ABAT: variants seen among roughly 807,000 people sequenced by gnomAD.
ABAT encodes the protein 4-aminobutyrate aminotransferase.
In ABAT, 45 loss-of-function variants were observed where a neutral mutation model predicts 64.6. That is an observed-to-expected ratio of 0.70 (90% CI 0.55 to 0.89). ABAT has a LOEUF of 0.89. Ranked by LOEUF, ABAT falls within the 40% of genes least tolerant of loss-of-function variation. The pLI, the probability that ABAT is intolerant of heterozygous loss-of-function variation, is 0.00. For synonymous variants in ABAT, 297 were observed against 250.5 expected, an observed-to-expected ratio of 1.19 and a Z score of -1.75; for missense variants, 633 against 658.4, an observed-to-expected ratio of 0.96 and a Z score of 0.42.
intron 1 of ABAT, among the ~76,000 whole-genome samples, chr16:8,711,887 AACAG>A (rs1343541467): frequency 6.6e-6 from 1 of 152,088 alleles, no homozygotes; most frequent in Non-Finnish European, 1.5e-5. Flanking sequence ...TGGATGAATG[AACAG>A]ACAGACAAAA....
At chr16:8,765,020 G>A (rs1260598281) in intron 8 of ABAT, among the ~76,000 whole-genome samples, 190 bp downstream of exon 8, 1 of 152,104 alleles carries the variant, frequency 6.6e-6, no homozygotes, top group Non-Finnish European at 1.5e-5. Flanking sequence ...GCAGAGGGCT[G>A]AGGCTTTGGC....
chr16:8,681,678 G>A, intron 1 of ABAT, among the ~76,000 whole-genome samples: 1 of 141,394 alleles, frequency 7.1e-6, no homozygotes, highest in Admixed American at 7.6e-5. Flanking sequence ...GTCTTGCTCT[G>A]TTGCCCAGGC....
chr16:8,676,405 A>G (rs2057203531), intron 1 of ABAT, among the ~76,000 whole-genome samples: 1 of 151,930 alleles, frequency 6.6e-6, no homozygotes, highest in African/African-American at 2.4e-5. Context: ...CAGTCCTCAC[A>G]TTTACAATGG....
At position 8,781,688 on chromosome 16, in the gene ABAT, G is replaced by C. The variant is rs737695; in HGVS notation, c.*258G>C. ...CCTGCTTGAGCCCTGGACTCATCTTGGGAAGGGCCATGGGAGGTCCTGGCT... is the reference window on the plus strand; with the variant it reads ...CCTGCTTGAGCCCTGGACTCATCTTCGGAAGGGCCATGGGAGGTCCTGGCT... On this transcript the variant is annotated 3_prime_UTR_variant, in exon 16 of 16. Coordinates refer to ENST00000268251, the MANE Select transcript of ABAT (RefSeq NM_020686.6). This position sits in a 1 kb window ranked among gnomAD's most constrained non-coding sequence, Gnocchi z 4.5. The C allele has an allele frequency of 0.32, 179,336 of 554,844 alleles. 30,308 individuals carry two copies. The highest frequency in any genetic ancestry group is 0.38 in the Admixed American group (13,290 of 35,062). 34.4% of individuals were successfully genotyped at this position (554,844 alleles called of 1,614,324 possible).
At chr16:8,745,894 T>C in intron 2 of ABAT, 107 bp from the exon 3 acceptor site, 3 of 1,080,280 alleles carry the variant, frequency 2.8e-6, no homozygotes, top group Admixed American at 1.9e-5. Context: ...GGGATGAGGC[T>C]AAGGTCCTGG....
chr16:8,774,734 T>C (rs2060216123), intron 12 of ABAT, among the ~76,000 whole-genome samples, 156 bp from the exon 13 acceptor site: 1 of 152,208 alleles, frequency 6.6e-6, no homozygotes, highest in African/African-American at 2.4e-5. Context: ...TTAGTTTTTT[T>C]TGTGCACAGC....
intron 2 of ABAT, chr16:8,737,150 C>G (rs1188786463): frequency 6.6e-6 from 1 of 152,100 alleles, no homozygotes; most frequent in African/African-American, 2.4e-5. Flanking sequence ...GAGCGTTCGC[C>G]CCTCCCCAAG....
Position 8,764,879 on chromosome 16 carries a change from C to T in ABAT, c.540+49C>T. ...CACACACACACAGGCTCCCCAGCAC[C>T]CAGCCACACGCTCACCCCTTGTCTG... On this transcript the variant is annotated intron_variant, in intron 8 of 15. Coordinates refer to ENST00000268251, the MANE Select transcript of ABAT (RefSeq NM_020686.6). The surrounding 1 kb of genome is among the most constrained non-coding windows in gnomAD (Gnocchi z 4.2). 1.3e-6 allele frequency: 2 copies of T among 1,487,196 alleles called. No individual in the cohort carries two copies. The highest frequency in any genetic ancestry group is 2.3e-5 in the South Asian group (2 of 88,312). The allele number at this position is 1,487,196 out of a possible 1,614,324, so 92.1% of individuals were successfully genotyped here. A position where few individuals can be genotyped will look rare whatever the true frequency, so the allele number is the denominator to read the frequency against.
intron 4 of ABAT, among the ~76,000 whole-genome samples, chr16:8,749,796 C>T (rs780871577): frequency 7.9e-5 from 12 of 151,964 alleles, no homozygotes; most frequent in South Asian, 2.1e-4. Context: ...TTCACTGCAA[C>T]CTCCGCCTCC....
intron 3 of ABAT, 125 bp from the exon 4 acceptor site, chr16:8,747,983 C>T (rs766167828): frequency 8.0e-4 from 677 of 843,170 alleles, no homozygotes; most frequent in Admixed American, 1.2e-3. Flanking sequence ...ATATGGTTGA[C>T]TAATAAAATA....
intron 6 of ABAT, among the ~76,000 whole-genome samples, chr16:8,758,293 C>A (rs1273657999): frequency 1.3e-5 from 2 of 152,142 alleles, no homozygotes; most frequent in African/African-American, 4.8e-5. Flanking sequence ...CCCACAGGAG[C>A]TGAGCTATTT....
At chr16:8,708,002 C>G (rs915569919) in intron 1 of ABAT, among the ~76,000 whole-genome samples, 2 of 152,192 alleles carry the variant, frequency 1.3e-5, no homozygotes, top group African/African-American at 4.8e-5. Flanking sequence ...AATCAGTGGT[C>G]AGTCTTGGCC....
intron 5 of ABAT, among the ~76,000 whole-genome samples, chr16:8,756,096 C>G (rs886177077): frequency 6.6e-6 from 1 of 151,926 alleles, no homozygotes; most frequent in Non-Finnish European, 1.5e-5. Flanking sequence ...ACCTATAAAC[C>G]CAGCTACTCC....
intron 1 of ABAT, among the ~76,000 whole-genome samples, chr16:8,696,376 A>T (rs1413327162): frequency 6.6e-6 from 1 of 152,160 alleles, no homozygotes; most frequent in Non-Finnish European, 1.5e-5. Flanking sequence ...TAATCCCAAC[A>T]CTTTGGGAGG....
intron 2 of ABAT, among the ~76,000 whole-genome samples, chr16:8,741,058 T>C (rs930359529): frequency 1.3e-5 from 2 of 152,226 alleles, no homozygotes; most frequent in African/African-American, 4.8e-5. Flanking sequence ...ACTGTGTAGT[T>C]TGGAGCTAAA....
At chr16:8,713,856 A>G (rs1288873281) in intron 1 of ABAT, 1 of 456,064 alleles carries the variant, frequency 2.2e-6, no homozygotes, top group Non-Finnish European at 4.4e-6. Flanking sequence ...GACTCCGACT[A>G]CCAGGCACCG....
In ABAT at chr16:8,768,922, G is replaced by A. The variant is rs1036439922; in HGVS notation, c.765G>A (p.Leu255=). The change falls in exon 11 of 16, where the codon CTG becomes CTA. Residue 255 remains leucine, a synonymous_variant. Coordinates refer to ENST00000268251, the MANE Select transcript of ABAT (RefSeq NM_020686.6). ...IAPFPRLKYP[L]EEFVKENQQE... ...CGTTCCCACGGCTGAAATACCCTCTGGAAGAGTTTGTGAAAGAGAACCAAC... is the reference window on the plus strand; with the variant it reads ...CGTTCCCACGGCTGAAATACCCTCTAGAAGAGTTTGTGAAAGAGAACCAAC... 16 of 1,614,158 alleles carry A rather than the reference G, an allele frequency of 9.9e-6. No homozygotes were observed. Among genetic ancestry groups the A allele is most frequent in the Non-Finnish European group, 1.3e-5 (15 of 1,180,032 alleles).
chr16:8,765,644 G>C (rs1266207099), intron 8 of ABAT: 2 of 153,168 alleles, frequency 1.3e-5, no homozygotes, highest in Admixed American at 6.5e-5. Context: ...CAACCTGAGA[G>C]ACACAGCAAG....
At position 8,776,221 on chromosome 16, in the gene ABAT, T is replaced by C. The variant is rs185506492; in HGVS notation, c.1123-123T>C. 8.4e-4 allele frequency: 1,141 copies of C among 1,365,106 alleles called. 3 individuals carry two copies. The highest frequency in any genetic ancestry group is 4.9e-3 in the Admixed American group (284 of 57,530). 84.6% of individuals were successfully genotyped at this position (1,365,106 alleles called of 1,614,324 possible). On this transcript the variant is annotated intron_variant, in intron 13 of 15. Transcript: ENST00000268251. This position sits in a 1 kb window ranked among gnomAD's most constrained non-coding sequence, Gnocchi z 4.4. The stretch of plus-strand genomic sequence containing the variant: ...TTGGGTGTGTTCCCCTGCCAGCCTC[T>C]GGTAGATGCCCACTAGATTAGTTTC...
Sources: gnomAD v4.1 joint callset for allele counts (sites outside exome capture counted in the v4.1 genomes callset) on GRCh38, gnomAD v4.1.1 for gene constraint, Gnocchi (gnomAD v3.1) non-coding constraint, MANE v1.5 for transcripts, NCBI Gene and HGNC (gene_info 2026-07-23, HGNC 2026-07-21) for gene names.